Variants in EFHC2 observed in about 807,000 individuals in gnomAD.
EFHC2 encodes the protein EF-hand domain-containing family member C2.
EFHC2 carries 18 observed loss-of-function variants against 52.7 expected under a neutral mutation model. The ratio of observed to expected loss-of-function variants is 0.34; its 90% confidence interval spans 0.24 to 0.51. The LOEUF is 0.51. Among genes scored for constraint, EFHC2 ranks in the 20% least tolerant of loss-of-function variants. The probability of loss-of-function intolerance (pLI) is 0.97; values close to 1 mark genes in which losing one functional copy is unlikely to be tolerated. For synonymous variants in EFHC2, 203 were observed against 204.1 expected (o/e 0.99, Z 0.04); for missense variants, 513 against 562.5 (o/e 0.91, Z 0.89).
chrX:44,342,875 C>CAAAAAAAAA (rs377220378), intron 1 of EFHC2, among the ~76,000 whole-genome samples: 31 of 57,384 alleles, frequency 5.4e-4, no homozygotes, highest in East Asian at 2.7e-3. Flanking sequence ...GACTCCGTCT[C>CAAAAAAAAA]AAAAAAAAAA....
At chrX:44,322,403 G>C (rs1213464879) in intron 1 of EFHC2, among the ~76,000 whole-genome samples, 1 of 112,263 alleles carries the variant, frequency 8.9e-6, no homozygotes, top group Non-Finnish European at 1.9e-5. Context: ...CAAACAATCA[G>C]ATATTGTCAG....
chrX:44,195,418 G>GT (rs1410005920), intron 11 of EFHC2, among the ~76,000 whole-genome samples: 39 of 103,342 alleles, frequency 3.8e-4, no homozygotes, highest in African/African-American at 1.0e-3. Context: ...TGTGTGTGTG[G>GT]TTTTTTTTGT....
chrX:44,289,405 A>G, intron 2 of EFHC2, among the ~76,000 whole-genome samples: 1 of 111,401 alleles, frequency 9.0e-6, no homozygotes, highest in East Asian at 2.8e-4. Flanking sequence ...CACTAATGAT[A>G]ACACCTTGGC....
At chrX:44,311,548 A>G (rs902309232) in intron 2 of EFHC2, among the ~76,000 whole-genome samples, 7 of 112,356 alleles carry the variant, frequency 6.2e-5, no homozygotes, top group Non-Finnish European at 1.3e-4. Context: ...ATACAGGGCT[A>G]TCTGATAAAC....
intron 14 of EFHC2, among the ~76,000 whole-genome samples, chrX:44,156,756 G>A (rs748922232): frequency 6.3e-4 from 71 of 112,534 alleles, no homozygotes; most frequent in Non-Finnish European, 1.1e-3. Context: ...AACCGATTTA[G>A]TGTTATTTTT....
At chrX:44,286,470 G>A (rs2037749264) in intron 2 of EFHC2, among the ~76,000 whole-genome samples, 1 of 111,427 alleles carries the variant, frequency 9.0e-6, no homozygotes, top group Non-Finnish European at 1.9e-5. Context: ...GGAGGGTTAA[G>A]GTAAACTGCC....
intron 2 of EFHC2, chrX:44,309,590 C>T: frequency 8.6e-7 from 1 of 1,162,956 alleles, no homozygotes; most frequent in Non-Finnish European, 1.2e-6. Flanking sequence ...TCTATCTGAA[C>T]AGCATTGATA....
rs761598774 is a variant in EFHC2, at chrX:44,297,728, CAA to C, written c.231+14838_231+14839del. The stretch of plus-strand genomic sequence containing the variant: ...TGGGCGACAGAGCGAGACTCCATCT[CAA>C]AAAAAAAAAAAAAAAACCGATGATG... On this transcript the variant is annotated intron_variant, in intron 2 of 14. Transcript: ENST00000420999. 2.9e-4 allele frequency among the ~76,000 whole-genome samples: 12 copies of C among 41,437 alleles called. No individual in the cohort carries two copies. In the East Asian group the frequency reaches 6.7e-3, roughly 23 times the overall value. 36.0% of individuals were successfully genotyped at this position (41,437 alleles called of 115,157 possible). A position where few individuals can be genotyped will look rare whatever the true frequency, so the allele number is the denominator to read the frequency against.
chrX:44,325,629 T>C (rs778402162), intron 1 of EFHC2, among the ~76,000 whole-genome samples: 7 of 109,158 alleles, frequency 6.4e-5, no homozygotes, highest in Non-Finnish European at 9.5e-5. Context: ...AAGCTGGCTA[T>C]AGTCATCTAC....
chrX:44,204,866 C>T (rs899636126), intron 11 of EFHC2, among the ~76,000 whole-genome samples: 2 of 111,498 alleles, frequency 1.8e-5, no homozygotes, highest in African/African-American at 3.3e-5. Flanking sequence ...CATGCAGATA[C>T]AAGAAATTCA....
At position 44,337,897 on chromosome X, in the gene EFHC2, C is replaced by G. The variant is rs185313562; in HGVS notation, c.42+5650G>C. Among the ~76,000 whole-genome samples the G allele has an allele frequency of 6.3e-5, 7 of 111,736 alleles. No homozygotes were observed. In the East Asian group the frequency reaches 2.0e-3, roughly 31 times the overall value. ...CATCTTGATTTTAATTCTTATTTCC[C>G]TAATAGCTATAATGTTGAACATCTT... On this transcript the variant is annotated intron_variant, in intron 1 of 14. Coordinates refer to ENST00000420999, the MANE Select transcript of EFHC2 (RefSeq NM_025184.4).
intron 10 of EFHC2, among the ~76,000 whole-genome samples, 164 bp downstream of exon 10, chrX:44,232,317 T>C (rs965614126): frequency 3.6e-5 from 4 of 112,135 alleles, no homozygotes; most frequent in South Asian, 3.7e-4. Flanking sequence ...GCCTCTGTGA[T>C]GGGACATGTG....
At chrX:44,251,422 T>C (rs1373274578) in intron 4 of EFHC2, among the ~76,000 whole-genome samples, 1 of 100,696 alleles carries the variant, frequency 9.9e-6, no homozygotes, top group African/African-American at 3.6e-5. Flanking sequence ...GAGACCAGCC[T>C]GGCTGTCTCT....
chrX:44,302,842 G>A (rs967033307), intron 2 of EFHC2, among the ~76,000 whole-genome samples: 4 of 111,513 alleles, frequency 3.6e-5, no homozygotes, highest in African/African-American at 1.3e-4. Flanking sequence ...TGAAATTTCG[G>A]GTATGGTTTA....
intron 11 of EFHC2, among the ~76,000 whole-genome samples, chrX:44,200,856 A>C (rs1472928824): frequency 8.9e-6 from 1 of 112,247 alleles, no homozygotes; most frequent in Non-Finnish European, 1.9e-5. Flanking sequence ...ATGACTACAA[A>C]GGAACAATTA....
In EFHC2 at chrX:44,250,200, T is replaced by C; in HGVS notation, c.852A>G (p.Leu284=). 1 of 1,209,542 alleles carries C rather than the reference T, an allele frequency of 8.3e-7. No individual in the cohort carries two copies. The highest frequency in any genetic ancestry group is 1.1e-6 in the Non-Finnish European group (1 of 894,150). ...GGTTATATCCACTGCTCACCTTGGG[T>C]AGCTTACTCCTCCGGAGGAACATTT... ...ALKMFLRRSK[L]PKNCPPRVYQ... Residue 284 remains leucine, a synonymous_variant, in exon 5 of 15, where the codon CTA becomes CTG. Coordinates refer to ENST00000420999, the MANE Select transcript of EFHC2 (RefSeq NM_025184.4).
chrX:44,229,839 A>G, intron 10 of EFHC2, 60 bp from the exon 11 acceptor site: 5 of 1,093,159 alleles, frequency 4.6e-6, no homozygotes, highest in Non-Finnish European at 4.9e-6. Flanking sequence ...TCAGGAGCCC[A>G]ATCTTGCTGA....
intron 3 of EFHC2, among the ~76,000 whole-genome samples, chrX:44,264,445 C>T (rs967882696): frequency 1.8e-5 from 2 of 112,047 alleles, no homozygotes; most frequent in African/African-American, 6.5e-5. Context: ...CTCCCAGGAG[C>T]CTGCAGATCT....
intron 11 of EFHC2, among the ~76,000 whole-genome samples, chrX:44,199,191 G>A (rs1017588171): frequency 8.9e-6 from 1 of 112,437 alleles, no homozygotes; most frequent in African/African-American, 3.2e-5. Context: ...GTGAGCTCTC[G>A]CTCTGAGATC....
Sources: allele counts gnomAD v4.1 joint callset (sites outside exome capture counted in the v4.1 genomes callset), GRCh38; gene constraint gnomAD v4.1.1; transcripts MANE v1.5; gene names NCBI Gene and HGNC (gene_info 2026-07-23, HGNC 2026-07-21).